The following IQCM variants were observed in gnomAD, a reference collection of about 807,000 sequenced individuals.
IQCM encodes IQ domain-containing protein M.
Under a neutral mutation model 57.6 loss-of-function variants are expected in IQCM, and 45 were observed. That is an observed-to-expected ratio of 0.78 (90% CI 0.62 to 1.00). The LOEUF (loss-of-function observed/expected upper bound fraction) is 1.00, where lower values mean the gene tolerates loss of function less well. Among genes scored for constraint, IQCM ranks in the 50% least tolerant of loss-of-function variants. IQCM has a pLI of 0.00. For synonymous variants in IQCM, 148 were observed against 158.9 expected, an observed-to-expected ratio of 0.93 and a Z score of 0.51; for missense variants, 468 against 511.6, an observed-to-expected ratio of 0.91 and a Z score of 0.82.
At chr4:149,733,559 T>C in intron 4 of IQCM, 51 bp from the exon 5 acceptor site, 1 of 896,372 alleles carries the variant, frequency 1.1e-6, no homozygotes, top group Non-Finnish European at 1.5e-6. Context: ...TTAGTATGCA[T>C]TATTTAATAA....
chr4:149,511,099 G>A (rs1426170402), intron 12 of IQCM, among the ~76,000 whole-genome samples: 6 of 152,158 alleles, frequency 3.9e-5, no homozygotes, highest in African/African-American at 1.4e-4. Context: ...GGATGTCACT[G>A]TCAGTATCTT....
chr4:149,677,730 C>T (rs540707140), intron 7 of IQCM, among the ~76,000 whole-genome samples: 97 of 151,926 alleles, frequency 6.4e-4, no homozygotes, highest in Non-Finnish European at 9.4e-4. Context: ...GTGAGCTCTT[C>T]GACCAAGAAC....
chr4:149,729,596 T>C (rs1333156928), intron 5 of IQCM, among the ~76,000 whole-genome samples: 1 of 152,070 alleles, frequency 6.6e-6, no homozygotes, highest in African/African-American at 2.4e-5. Flanking sequence ...TGCCTCAGCC[T>C]CCCAAATAGC....
intron 12 of IQCM, among the ~76,000 whole-genome samples, chr4:149,535,514 A>G (rs1747202993): frequency 6.6e-6 from 1 of 152,064 alleles, no homozygotes; most frequent in African/African-American, 2.4e-5. Context: ...AAAAGGAACC[A>G]AAAGTCCTGC....
intron 13 of IQCM, among the ~76,000 whole-genome samples, chr4:149,425,878 A>C (rs1361499549): frequency 6.6e-6 from 1 of 152,072 alleles, no homozygotes; most frequent in Non-Finnish European, 1.5e-5. Flanking sequence ...ACTATTATAC[A>C]GATTTATTTT....
chr4:149,580,910 T>A (rs1395956859), intron 9 of IQCM, among the ~76,000 whole-genome samples: 2 of 151,786 alleles, frequency 1.3e-5, no homozygotes, highest in African/African-American at 4.8e-5. Flanking sequence ...TACATATTTA[T>A]TTTATTACTT....
chr4:149,669,246 T>A (rs1761027204), intron 7 of IQCM, among the ~76,000 whole-genome samples: 1 of 152,218 alleles, frequency 6.6e-6, no homozygotes, highest in Non-Finnish European at 1.5e-5. Context: ...ATGAGCATTT[T>A]TTTATGTGTC....
At chr4:149,665,392 C>T (rs931628646) in intron 7 of IQCM, among the ~76,000 whole-genome samples, 3 of 152,134 alleles carry the variant, frequency 2.0e-5, no homozygotes, top group Admixed American at 1.3e-4. Flanking sequence ...AAGAAGAAGT[C>T]TTCCTTGACT....
intron 8 of IQCM, among the ~76,000 whole-genome samples, chr4:149,615,191 T>C (rs987671915): frequency 2.0e-5 from 3 of 152,168 alleles, no homozygotes; most frequent in Non-Finnish European, 4.4e-5. Flanking sequence ...GATTGCTTCA[T>C]ACATTATAAA....
chr4:149,352,627 C>A (rs757405224), intron 13 of IQCM, among the ~76,000 whole-genome samples: 1 of 152,126 alleles, frequency 6.6e-6, no homozygotes, highest in Non-Finnish European at 1.5e-5. Context: ...ATTCTGGAAC[C>A]AATTTCCTAC....
chr4:149,454,602 C>T (rs898170926), intron 12 of IQCM, among the ~76,000 whole-genome samples: 3 of 151,902 alleles, frequency 2.0e-5, no homozygotes, highest in Admixed American at 6.6e-5. Context: ...TGCACATGTT[C>T]CTCTGAAACT....
intron 13 of IQCM, among the ~76,000 whole-genome samples, chr4:149,414,576 G>A (rs1006998377): frequency 7.9e-5 from 12 of 151,920 alleles, no homozygotes; most frequent in African/African-American, 2.9e-4. Flanking sequence ...TAGTCCTTAC[G>A]ATAAAAATTT....
chr4:149,537,203 A>G (rs1419074808), intron 12 of IQCM, among the ~76,000 whole-genome samples: 1 of 151,930 alleles, frequency 6.6e-6, no homozygotes, highest in Non-Finnish European at 1.5e-5. Context: ...AATAATTATT[A>G]TACATTATAT....
intron 7 of IQCM, among the ~76,000 whole-genome samples, chr4:149,634,833 A>G (rs2150102395): frequency 6.6e-6 from 1 of 152,336 alleles, no homozygotes; most frequent in African/African-American, 2.4e-5. Context: ...TTCATCTTTT[A>G]TAATACAAGC....
intron 13 of IQCM, among the ~76,000 whole-genome samples, chr4:149,364,181 T>C (rs764078879): frequency 1.3e-5 from 2 of 152,138 alleles, no homozygotes; most frequent in African/African-American, 4.8e-5. Context: ...CCCTTTCCCA[T>C]TGTACCTCAC....
At chr4:149,646,987 A>T (rs972792631) in intron 7 of IQCM, among the ~76,000 whole-genome samples, 2 of 152,194 alleles carry the variant, frequency 1.3e-5, no homozygotes, top group Admixed American at 6.5e-5. Flanking sequence ...TCCATCTCCA[A>T]AAATAATAAT....
At chr4:149,463,073 G>A (rs1332127242) in intron 12 of IQCM, among the ~76,000 whole-genome samples, 1 of 152,186 alleles carries the variant, frequency 6.6e-6, no homozygotes, top group Non-Finnish European at 1.5e-5. Flanking sequence ...CCAATATTTA[G>A]GGAACAGCCT....
chr4:149,370,677 C>G (rs1730307335), intron 13 of IQCM, among the ~76,000 whole-genome samples: 1 of 152,030 alleles, frequency 6.6e-6, no homozygotes, highest in Non-Finnish European at 1.5e-5. Context: ...ACCCTCTCTT[C>G]CAGTGAACTG....
intron 4 of IQCM, among the ~76,000 whole-genome samples, chr4:149,734,146 C>A (rs937530193): frequency 2.0e-5 from 3 of 152,034 alleles, no homozygotes; most frequent in African/African-American, 7.2e-5. Context: ...AGCTATAGTT[C>A]TTCCCTATTC....
Sources: allele counts gnomAD v4.1 joint callset (sites outside exome capture counted in the v4.1 genomes callset), GRCh38; gene constraint gnomAD v4.1.1; transcripts MANE v1.5; gene names NCBI Gene and HGNC (gene_info 2026-07-23, HGNC 2026-07-21).